Variants in CSMD3 observed in about 807,000 individuals in gnomAD.
CSMD3 encodes CUB and Sushi multiple domains 3.
CSMD3 carries 177 observed loss-of-function variants against 435.2 expected under a neutral mutation model. The ratio of observed to expected loss-of-function variants is 0.41; its 90% CI spans 0.36 to 0.46. The LOEUF (loss-of-function observed/expected upper bound fraction) is 0.46, where lower values mean the gene tolerates loss of function less well. Ranked by LOEUF, CSMD3 falls within the 20% of genes least tolerant of loss-of-function variation. The pLI is 0.34. For synonymous variants in CSMD3, 1,656 were observed against 1,520.5 expected (o/e 1.09, Z -2.07); for missense variants, 4,265 against 4,504.6 (o/e 0.95, Z 1.52).
chr8:112,856,475 T>C (rs2080662133), intron 11 of CSMD3, among the ~76,000 whole-genome samples: 1 of 152,000 alleles, frequency 6.6e-6, no homozygotes, highest in East Asian at 1.9e-4. Flanking sequence ...GAAGTATGTT[T>C]CTGAGGAGAT....
chr8:112,589,504 C>T (rs186724801), intron 22 of CSMD3, among the ~76,000 whole-genome samples: 6 of 152,168 alleles, frequency 3.9e-5, no homozygotes, highest in Middle Eastern at 3.4e-3. Flanking sequence ...TAAAATATTA[C>T]GGATAATTCT....
At chr8:113,072,064 C>T (rs1307042937) in intron 5 of CSMD3, among the ~76,000 whole-genome samples, 5 of 151,550 alleles carry the variant, frequency 3.3e-5, no homozygotes, top group Admixed American at 6.6e-5. Context: ...TATTTTATTG[C>T]TATTGTAAAG....
chr8:113,172,458 C>T (rs140908332), intron 4 of CSMD3, among the ~76,000 whole-genome samples: 6 of 152,212 alleles, frequency 3.9e-5, no homozygotes, highest in African/African-American at 7.2e-5. Flanking sequence ...TTGAAGCATA[C>T]GCAGCAACGG....
chr8:113,210,183 CTT>C (rs1427533099), intron 3 of CSMD3, among the ~76,000 whole-genome samples: 1 of 152,054 alleles, frequency 6.6e-6, no homozygotes, highest in African/African-American at 2.4e-5. Flanking sequence ...CTCTCTCTGA[CTT>C]TTGTAAATAT....
At chr8:112,320,024 A>C (rs1822845640) in intron 45 of CSMD3, 43 bp from the exon 46 acceptor site, 2 of 1,222,374 alleles carry the variant, frequency 1.6e-6, no homozygotes, top group African/African-American at 3.0e-5. Context: ...CTGTGCAGCT[A>C]CATGTATTCA....
intron 5 of CSMD3, among the ~76,000 whole-genome samples, chr8:113,053,336 A>C (rs959145759): frequency 6.6e-6 from 1 of 152,168 alleles, no homozygotes; most frequent in Admixed American, 6.5e-5. Flanking sequence ...TTAAAATTAT[A>C]TAATTTAAGT....
At chr8:113,320,257 T>C (rs1250493868) in intron 1 of CSMD3, among the ~76,000 whole-genome samples, 2 of 152,098 alleles carry the variant, frequency 1.3e-5, no homozygotes, top group Non-Finnish European at 2.9e-5. Context: ...ATTATGTTTT[T>C]CAGACCTTAT....
At chr8:113,111,817 T>C (rs547973602) in intron 4 of CSMD3, among the ~76,000 whole-genome samples, 121 of 152,072 alleles carry the variant, frequency 8.0e-4, no homozygotes, top group Middle Eastern at 3.4e-3. Context: ...AGTAGCTGAG[T>C]TTACAGGCGC....
chr8:112,602,560 C>T (rs1320571284), intron 22 of CSMD3, among the ~76,000 whole-genome samples: 2 of 111,718 alleles, frequency 1.8e-5, no homozygotes, highest in Non-Finnish European at 3.5e-5. Context: ...GAGCAAAACT[C>T]TGTCTCAAAA....
At chr8:112,866,304 TTAGA>T (rs1483067179) in intron 10 of CSMD3, among the ~76,000 whole-genome samples, 1 of 152,092 alleles carries the variant, frequency 6.6e-6, no homozygotes, top group Non-Finnish European at 1.5e-5. Flanking sequence ...ACTTGTAAAC[TTAGA>T]TAGTTGTGCT....
At chr8:112,743,474 C>T (rs1418632181) in intron 13 of CSMD3, among the ~76,000 whole-genome samples, 1 of 151,674 alleles carries the variant, frequency 6.6e-6, no homozygotes, top group Non-Finnish European at 1.5e-5. Flanking sequence ...TTAAGGCAGT[C>T]TTCAACAAGG....
intron 11 of CSMD3, among the ~76,000 whole-genome samples, chr8:112,845,927 G>T (rs2080304841): frequency 6.6e-6 from 1 of 151,956 alleles, no homozygotes; most frequent in Non-Finnish European, 1.5e-5. Flanking sequence ...AATATTTAAG[G>T]ATAAGGTCAC....
chr8:113,268,185 T>G (rs1406018395), intron 3 of CSMD3, among the ~76,000 whole-genome samples: 1 of 151,822 alleles, frequency 6.6e-6, no homozygotes, highest in African/African-American at 2.4e-5. Flanking sequence ...TAGAATGCAT[T>G]TAGAATATTG....
chr8:113,091,466 G>A (rs1431292844), intron 5 of CSMD3, among the ~76,000 whole-genome samples: 1 of 151,846 alleles, frequency 6.6e-6, no homozygotes, highest in Non-Finnish European at 1.5e-5. Context: ...TGGTCTGTTC[G>A]GGCTTTGGAT....
chr8:112,795,516 A>G (rs1206518964), intron 13 of CSMD3, among the ~76,000 whole-genome samples: 2 of 152,180 alleles, frequency 1.3e-5, no homozygotes, highest in African/African-American at 4.8e-5. Flanking sequence ...CCAAAGAAGA[A>G]TAAGACAGAA....
At chr8:112,508,941 G>A (rs1180947078) in intron 28 of CSMD3, among the ~76,000 whole-genome samples, 1 of 152,080 alleles carries the variant, frequency 6.6e-6, no homozygotes, top group South Asian at 2.1e-4. Context: ...GGAGGAAAAT[G>A]TTTCTTATGT....
intron 5 of CSMD3, among the ~76,000 whole-genome samples, chr8:113,080,429 C>T (rs28629803): frequency 0.019 from 2,865 of 152,132 alleles, 31 homozygotes; most frequent in Middle Eastern, 0.041. Context: ...CTACCACAGA[C>T]GAAGCACTAT....
intron 10 of CSMD3, among the ~76,000 whole-genome samples, chr8:112,913,494 C>T (rs1400111106): frequency 1.3e-5 from 2 of 151,798 alleles, no homozygotes; most frequent in Non-Finnish European, 1.5e-5. Flanking sequence ...AGGAGCACTC[C>T]TTTTTTGTAT....
chr8:112,314,062 GAAAATAA>G lies in CSMD3; in HGVS notation c.7550-17_7550-11del, dbSNP rs1822240991. 2 of 1,594,622 alleles carry G rather than the reference GAAAATAA, an allele frequency of 1.3e-6. No homozygotes were observed. The highest frequency in any genetic ancestry group is 1.7e-6 in the Non-Finnish European group (2 of 1,163,576). ...CTTTGAATATTTGGTCCTTTGGGAA[GAAAATAA>G]AACAATTTAGATAAAGCTAATTATA... On this transcript the variant is annotated splice_polypyrimidine_tract_variant and intron_variant, in intron 48 of 70. Coordinates refer to ENST00000297405, the MANE Select transcript of CSMD3 (RefSeq NM_198123.2).
Sources: allele counts gnomAD v4.1 joint callset (sites outside exome capture counted in the v4.1 genomes callset), GRCh38; gene constraint gnomAD v4.1.1; transcripts MANE v1.5; gene names NCBI Gene and HGNC (gene_info 2026-07-23, HGNC 2026-07-21).